TNFRSF13B: variants seen among roughly 807,000 people sequenced by gnomAD.
The protein encoded by TNFRSF13B is TNF receptor superfamily member 13B.
TNFRSF13B carries 34 observed loss-of-function variants against 24.0 expected under a neutral mutation model. That is an observed-to-expected ratio of 1.41 (90% CI 1.08 to 1.88). The LOEUF is 1.88. Ranked by LOEUF, TNFRSF13B falls within the 40% of genes most tolerant of loss-of-function variation. TNFRSF13B has a pLI of 0.00. For synonymous variants in TNFRSF13B, 173 were observed against 150.3 expected, an observed-to-expected ratio of 1.15 and a Z score of -1.10; for missense variants, 415 against 380.8, an observed-to-expected ratio of 1.09 and a Z score of -0.75.
intron 1 of TNFRSF13B, among the ~76,000 whole-genome samples, chr17:16,971,123 G>C (rs2087740696): frequency 6.6e-6 from 1 of 152,190 alleles, no homozygotes; most frequent in African/African-American, 2.4e-5. Flanking sequence ...TGAGGCAGGT[G>C]GATCACCTGA....
chr17:16,944,031 G>A (rs113678003), intron 3 of TNFRSF13B, among the ~76,000 whole-genome samples: 112 of 152,320 alleles, frequency 7.4e-4, no homozygotes, highest in Non-Finnish European at 1.3e-3. Flanking sequence ...TCCCCACCAA[G>A]CGCCATGTGT....
At chr17:16,969,301 C>T (rs1026810255) in intron 1 of TNFRSF13B, among the ~76,000 whole-genome samples, 1 of 152,098 alleles carries the variant, frequency 6.6e-6, no homozygotes, top group Non-Finnish European at 1.5e-5. Context: ...GTAGAAACAA[C>T]CCAAATGTCC....
intron 1 of TNFRSF13B, among the ~76,000 whole-genome samples, chr17:16,966,391 A>G (rs2087699687): frequency 6.6e-6 from 1 of 152,244 alleles, no homozygotes; most frequent in Non-Finnish European, 1.5e-5. Flanking sequence ...GATCTAAAGA[A>G]TAAGCAGAAA....
At chr17:16,955,719 A>G (rs117235580) in intron 1 of TNFRSF13B, among the ~76,000 whole-genome samples, 1 of 152,384 alleles carries the variant, frequency 6.6e-6, no homozygotes, top group East Asian at 1.9e-4. Context: ...GGAAAGCAGT[A>G]AAGTGGCAAG....
Position 16,967,954 on chromosome 17 carries a change from G to A in TNFRSF13B, c.61+4061C>T, listed in dbSNP as rs551134582. 6.0e-5 allele frequency among the ~76,000 whole-genome samples: 9 copies of A among 150,644 alleles called. No homozygotes were observed. In the East Asian group the frequency reaches 1.6e-3, roughly 26 times the overall value. On this transcript the variant is annotated intron_variant, in intron 1 of 4. Transcript: ENST00000261652. ...AGATTGAGACCATCCTGGCTAACAC[G>A]GTGAAACCGCATCTCTACTAAAAAA... is the stretch of plus-strand genomic sequence containing the variant.
intron 1 of TNFRSF13B, among the ~76,000 whole-genome samples, chr17:16,966,883 G>A (rs2087705381): frequency 8.1e-6 from 1 of 123,624 alleles, no homozygotes; most frequent in Non-Finnish European, 1.6e-5. Context: ...CTGTCTCCCA[G>A]GCTGGAGTGC....
At chr17:16,968,155 AAG>A (rs201873963) in intron 1 of TNFRSF13B, among the ~76,000 whole-genome samples, 30,039 of 75,514 alleles carry the variant, frequency 0.4, 4,127 homozygotes, top group East Asian at 0.78. Flanking sequence ...AAAAAAAAAA[AAG>A]AAAAAAGAAA....
intron 1 of TNFRSF13B, among the ~76,000 whole-genome samples, chr17:16,953,806 T>C (rs1398230763): frequency 5.9e-5 from 9 of 152,220 alleles, no homozygotes; most frequent in African/African-American, 2.2e-4. Context: ...TCTTTCTCTG[T>C]TGCCCAGGCT....
intron 1 of TNFRSF13B, among the ~76,000 whole-genome samples, chr17:16,966,830 TTCTTTTTTC>T (rs2087703564): frequency 8.9e-6 from 1 of 112,648 alleles, no homozygotes. Flanking sequence ...TTTTTTCTTT[TTCTTTTTTC>T]TTTTTTTTTT....
At chr17:16,971,160 C>G (rs1181837754) in intron 1 of TNFRSF13B, among the ~76,000 whole-genome samples, 1 of 152,136 alleles carries the variant, frequency 6.6e-6, no homozygotes, top group East Asian at 1.9e-4. Flanking sequence ...TCAGCCTGGC[C>G]AACGTGGCGA....
At chr17:16,967,751 C>CAAAAAAAA (rs975103327) in intron 1 of TNFRSF13B, among the ~76,000 whole-genome samples, 21 of 24,120 alleles carry the variant, frequency 8.7e-4, no homozygotes, top group African/African-American at 1.1e-3. Context: ...GACTCCGTCT[C>CAAAAAAAA]AAAAAAAAAA....
At chr17:16,956,944 G>A (rs746310292) in intron 1 of TNFRSF13B, among the ~76,000 whole-genome samples, 11 of 152,130 alleles carry the variant, frequency 7.2e-5, no homozygotes, top group African/African-American at 2.2e-4. Flanking sequence ...ACACATGTCC[G>A]CATACATTTG....
intron 3 of TNFRSF13B, chr17:16,940,925 G>T: frequency 2.7e-6 from 3 of 1,094,966 alleles, no homozygotes; most frequent in South Asian, 5.6e-5. Flanking sequence ...TCGTCCCTTG[G>T]TATCCATGGG....
chr17:16,949,008 T>C, intron 2 of TNFRSF13B, 25 bp from the exon 3 acceptor site: 1 of 1,613,774 alleles, frequency 6.2e-7, no homozygotes, highest in South Asian at 1.1e-5. Context: ...TTCATGATAC[T>C]GCTGGGTGAC....
intron 1 of TNFRSF13B, among the ~76,000 whole-genome samples, chr17:16,970,544 C>G (rs1567658025): frequency 6.6e-6 from 1 of 152,210 alleles, no homozygotes; most frequent in Non-Finnish European, 1.5e-5. Context: ...CTCATGACTC[C>G]CCAAGAGGGG....
chr17:16,957,131 C>CT (rs557656028), intron 1 of TNFRSF13B, among the ~76,000 whole-genome samples: 27 of 149,484 alleles, frequency 1.8e-4, no homozygotes, highest in Non-Finnish European at 3.5e-4. Context: ...ACTCTCTGTA[C>CT]TTTTGCTGAA....
chr17:16,950,761 C>A (rs1483533431), intron 2 of TNFRSF13B, among the ~76,000 whole-genome samples: 4 of 151,758 alleles, frequency 2.6e-5, no homozygotes, highest in Non-Finnish European at 4.4e-5. Flanking sequence ...CCTGACCTCA[C>A]ACCCCTCCCC....
rs1322152086 is a variant in TNFRSF13B, at chr17:16,948,909, T to C, written c.274A>G (p.Ile92Val). ...LLRDCISCASICGQHPKQCAY... is the reference protein window; with the variant it reads ...LLRDCISCASVCGQHPKQCAY... ...CATTGCTTAGGGTGCTGTCCACAGA[T>C]GGAGGCACAGCTGATGCAGTCCCTC... Residue 92 changes from isoleucine to valine, a missense_variant, in exon 3 of 5, where the codon ATC (isoleucine) becomes GTC (valine). Transcript: ENST00000261652. The C allele has an allele frequency of 6.2e-7, 1 of 1,614,256 alleles. No individual in the cohort carries two copies. The highest frequency in any genetic ancestry group is 1.1e-5 in the South Asian group (1 of 91,092).
chr17:16,966,832 CT>C (rs796602708), intron 1 of TNFRSF13B, among the ~76,000 whole-genome samples: 3,584 of 95,834 alleles, frequency 0.037, 190 homozygotes, highest in African/African-American at 0.14. Context: ...TTTTCTTTTT[CT>C]TTTTTCTTTT....
Sources: gnomAD v4.1 joint callset for allele counts (sites outside exome capture counted in the v4.1 genomes callset) on GRCh38, gnomAD v4.1.1 for gene constraint, MANE v1.5 for transcripts, NCBI Gene and HGNC (gene_info 2026-07-23, HGNC 2026-07-21) for gene names.